Variants in ZNF775 observed in about 807,000 individuals in gnomAD.
ZNF775 encodes zinc finger protein 775.
In ZNF775, 1 loss-of-function variant was observed where a neutral mutation model predicts 2.4. The ratio of observed to expected loss-of-function variants is 0.41; its 90% confidence interval spans 0.15 to 1.94. ZNF775 has a LOEUF of 1.94. Among genes scored for constraint, ZNF775 ranks in the 30% most tolerant of loss-of-function variants. ZNF775 has a pLI of 0.30. For synonymous variants in ZNF775, 381 were observed against 373.3 expected (o/e 1.02, Z -0.24); for missense variants, 823 against 826.6 (o/e 1.00, Z 0.05).
chr7:150,382,064 C>A lies in ZNF775; in HGVS notation c.-50+2672C>A, dbSNP rs903401432. Among the ~76,000 whole-genome samples, 1 of 152,004 alleles carries A rather than the reference C, an allele frequency of 6.6e-6. No homozygotes were observed. Among genetic ancestry groups the A allele is most frequent in the Admixed American group, 6.6e-5 (1 of 15,258 alleles). On this transcript the variant is annotated intron_variant, in intron 1 of 2. Transcript: ENST00000329630. The surrounding 1 kb of genome is among the most constrained non-coding windows in gnomAD (Gnocchi z 4.6). ...GATGCCCACCTGGTTTGGGCTGGGA[C>A]CTCTGGGAGGGGCATGCAGAACCAC...
chr7:150,395,882 G>T (rs772019816), intron 2 of ZNF775, among the ~76,000 whole-genome samples: 3 of 152,208 alleles, frequency 2.0e-5, no homozygotes, highest in Admixed American at 1.3e-4. Flanking sequence ...GTTGAAGGAA[G>T]ATGAGTTGCC....
At chr7:150,390,975 T>A (rs910113939) in intron 2 of ZNF775, among the ~76,000 whole-genome samples, 4 of 152,244 alleles carry the variant, frequency 2.6e-5, no homozygotes, top group African/African-American at 9.6e-5. Flanking sequence ...GTAGAGGTAT[T>A]ATTGATTTTT....
At chr7:150,396,472 A>AGT (rs1336727556) in intron 2 of ZNF775, 41 bp from the exon 3 acceptor site, 28 of 1,537,136 alleles carry the variant, frequency 1.8e-5, no homozygotes, top group Non-Finnish European at 2.3e-5. Flanking sequence ...GCGGAGCAGC[A>AGT]GTGACCTCTC....
chr7:150,392,200 G>A (rs968246734), intron 2 of ZNF775, among the ~76,000 whole-genome samples: 1 of 151,940 alleles, frequency 6.6e-6, no homozygotes, highest in Non-Finnish European at 1.5e-5. Flanking sequence ...AGTCCATCTG[G>A]AACTGATTTT....
rs1309844011 is a variant in ZNF775 at position 150,397,542 on chromosome 7, AGCACCTGCGCAC to A, written c.1070_1081del (p.Arg357_Leu360del). 7 of 1,552,664 alleles carry A rather than the reference AGCACCTGCGCAC, an allele frequency of 4.5e-6. No homozygotes were observed. Among genetic ancestry groups the A allele is most frequent in the East Asian group, 2.4e-5 (1 of 41,776 alleles). ...TTCCGCCAGAAGCAGCACCTGCTCA[AGCACCTGCGCAC>A]GCACCTGCCCGGCGCCCAGGCTGCG... is the stretch of plus-strand genomic sequence containing the variant. On this transcript the variant is annotated inframe_deletion, in exon 3 of 3. Coordinates refer to ENST00000329630, the MANE Select transcript of ZNF775 (RefSeq NM_173680.4).
Position 150,397,512 on chromosome 7 carries a change from G to A in ZNF775, c.1031G>A (p.Arg344His). 1.3e-6 allele frequency: 2 copies of A among 1,567,718 alleles called. No individual in the cohort carries two copies. Among genetic ancestry groups the A allele is most frequent in the Admixed American group, 1.8e-5 (1 of 56,354 alleles). ...ERPHPCPHCGRGFRQKQHLLK... is the reference protein window; with the variant it reads ...ERPHPCPHCGHGFRQKQHLLK... ...CCGCACCCCTGCCCGCACTGTGGCC[G>A]CGGCTTCCGCCAGAAGCAGCACCTG... Residue 344 changes from arginine to histidine, a missense_variant, in exon 3 of 3, where the codon CGC becomes CAC. Physicochemically the swap from Arg to His is conservative, Grantham distance 29 (BLOSUM62 0). Transcript: ENST00000329630.
At chr7:150,379,560 G>T (rs897462749) in intron 1 of ZNF775, among the ~76,000 whole-genome samples, 168 bp downstream of exon 1, 1 of 151,958 alleles carries the variant, frequency 6.6e-6, no homozygotes, top group African/African-American at 2.4e-5. Flanking sequence ...CGAGCCCCGC[G>T]CGCCCCCCGA....
chr7:150,385,516 C>T (rs546445724), intron 1 of ZNF775, among the ~76,000 whole-genome samples: 3,763 of 61,136 alleles, frequency 0.062, 69 homozygotes, highest in Admixed American at 0.14. Context: ...GCCTGCAATA[C>T]CCCGAATGAC....
rs528047552 is a variant in ZNF775 at position 150,390,225 on chromosome 7, T to C, written c.31+1724T>C. Reference sequence around the variant, plus strand: ...ATATGGATACCTGAACCCTCGGGAGTGTGCCTGGGGCTGCTGGAGCCCCAG... The same window carrying C: ...ATATGGATACCTGAACCCTCGGGAGCGTGCCTGGGGCTGCTGGAGCCCCAG... On this transcript the variant is annotated intron_variant, in intron 2 of 2. Transcript: ENST00000329630. Among the ~76,000 whole-genome samples the C allele has an allele frequency of 1.4e-3, 216 of 151,824 alleles. 3 individuals are homozygous for C. Among genetic ancestry groups the C allele is most frequent in the African/African-American group, 4.9e-3 (201 of 41,378 alleles).
rs181687931 is a variant in ZNF775 at position 150,396,710 on chromosome 7, C to A, written c.229C>A (p.Pro77Thr). The part of the protein sequence containing the change: ...EESGSPRWAP[P>T]TEQDAGLAGR... The stretch of plus-strand genomic sequence containing the variant: ...GTCTGGGAGTCCAAGGTGGGCCCCT[C>A]CCACTGAGCAGGATGCGGGGCTGGC... Residue 77 changes from proline (P) to threonine (T), a missense_variant, in exon 3 of 3, where the codon CCC becomes ACC. Physicochemically the swap from Pro to Thr is conservative, Grantham distance 38 (BLOSUM62 -1). Coordinates refer to ENST00000329630, the MANE Select transcript of ZNF775 (RefSeq NM_173680.4). 1,137 of 1,601,362 alleles carry A rather than the reference C, an allele frequency of 7.1e-4. 8 individuals carry two copies. In the African/African-American group the frequency reaches 0.013, roughly 18 times the overall value.
chr7:150,392,761 T>C (rs1172953088), intron 2 of ZNF775, among the ~76,000 whole-genome samples: 4 of 152,198 alleles, frequency 2.6e-5, no homozygotes, highest in African/African-American at 9.7e-5. Context: ...CTTCAACTCC[T>C]GCACTTAAGC....
chr7:150,389,192 C>T (rs962782707), intron 2 of ZNF775, among the ~76,000 whole-genome samples: 1 of 152,238 alleles, frequency 6.6e-6, no homozygotes, highest in South Asian at 2.1e-4. Context: ...CCAGAGCACA[C>T]CGGCTACCCT....
intron 1 of ZNF775, among the ~76,000 whole-genome samples, chr7:150,387,609 G>C (rs555872008): frequency 2.0e-5 from 3 of 152,226 alleles, no homozygotes; most frequent in South Asian, 4.1e-4. Context: ...GTCAGGAGAT[G>C]GAGACCATCC....
At chr7:150,389,461 T>C (rs1037019335) in intron 2 of ZNF775, among the ~76,000 whole-genome samples, 1 of 152,266 alleles carries the variant, frequency 6.6e-6, no homozygotes, top group Non-Finnish European at 1.5e-5. Context: ...AGCCTAGCCA[T>C]GCAGCTGCGT....
rs545556865 is a variant in ZNF775, at chr7:150,381,958, G to T, written c.-50+2566G>T. On this transcript the variant is annotated intron_variant, in intron 1 of 2. Transcript: ENST00000329630. Reference sequence around the variant, plus strand: ...TGGAGAGGAGCAGGGTGGGTCATGGGGGGTGGGACAGGGGAGTTGTGGGAG... The same window carrying T: ...TGGAGAGGAGCAGGGTGGGTCATGGTGGGTGGGACAGGGGAGTTGTGGGAG... Among the ~76,000 whole-genome samples the T allele has an allele frequency of 5.5e-4, 83 of 152,154 alleles. No individual in the cohort carries two copies. The East Asian group carries it at 0.012, about 22-fold the overall frequency.
Sources: gnomAD v4.1 joint callset for allele counts (sites outside exome capture counted in the v4.1 genomes callset) on GRCh38, gnomAD v4.1.1 for gene constraint, Gnocchi (gnomAD v3.1) non-coding constraint, MANE v1.5 for transcripts, NCBI Gene and HGNC (gene_info 2026-07-23, HGNC 2026-07-21) for gene names.